The following ANKIB1 variants were observed in gnomAD, a reference collection of about 807,000 sequenced individuals.
ANKIB1 encodes the protein ankyrin repeat and IBR domain-containing protein 1.
Under a neutral mutation model 122.1 loss-of-function variants are expected in ANKIB1, and 43 were observed. The ratio of observed to expected loss-of-function variants is 0.35; its 90% CI spans 0.28 to 0.45. The LOEUF is 0.45. Among genes scored for constraint, ANKIB1 ranks in the 20% least tolerant of loss-of-function variants. ANKIB1 has a pLI of 1.00. For synonymous variants in ANKIB1, 390 were observed against 442.0 expected (o/e 0.88, Z 1.48); for missense variants, 992 against 1,329.5 (o/e 0.75, Z 3.95).
chr7:92,313,818 C>A (rs545030419), intron 3 of ANKIB1, among the ~76,000 whole-genome samples: 1 of 152,156 alleles, frequency 6.6e-6, no homozygotes, highest in East Asian at 1.9e-4. Context: ...GCAAGTTCTC[C>A]TGGTGATTAT....
chr7:92,275,457 C>A (rs1368843525), intron 1 of ANKIB1, among the ~76,000 whole-genome samples: 1 of 152,046 alleles, frequency 6.6e-6, no homozygotes, highest in Non-Finnish European at 1.5e-5. Context: ...TTGAAAATAC[C>A]TGGAAAAATT....
rs1402365620 is a variant in ANKIB1, at chr7:92,286,146, A to G, written c.-90-8743A>G. Among the ~76,000 whole-genome samples the G allele has an allele frequency of 2.0e-5, 3 of 152,206 alleles. No individual in the cohort carries two copies. The East Asian group carries it at 5.8e-4, about 29-fold the overall frequency. On this transcript the variant is annotated intron_variant, in intron 1 of 19. Transcript: ENST00000265742. Reference sequence around the variant, plus strand: ...TTCTCCTTATTTTTCTCCAAATGAGATATTTTAATGTTGGACCTGATTACC... The same window carrying G: ...TTCTCCTTATTTTTCTCCAAATGAGGTATTTTAATGTTGGACCTGATTACC...
At chr7:92,250,341 C>T (rs1051286385) in intron 1 of ANKIB1, among the ~76,000 whole-genome samples, 5 of 152,070 alleles carry the variant, frequency 3.3e-5, no homozygotes, top group South Asian at 4.1e-4. Flanking sequence ...TGCAGTGAGC[C>T]GAGATCACGC....
At chr7:92,294,821 A>G in intron 1 of ANKIB1, 68 bp from the exon 2 acceptor site, 1 of 555,750 alleles carries the variant, frequency 1.8e-6, no homozygotes, top group South Asian at 4.0e-5. Context: ...TAGTGTTCCT[A>G]ATTGTGTTAT....
intron 18 of ANKIB1, 79 bp from the exon 19 acceptor site, chr7:92,397,643 TA>T: frequency 6.5e-7 from 1 of 1,545,690 alleles, no homozygotes; most frequent in Non-Finnish European, 8.8e-7. Context: ...ATTGCCCATC[TA>T]AACAACCAGA....
rs1444245686 is a variant in ANKIB1 at position 92,339,807 on chromosome 7, G to A, written c.788-3217G>A. ...TTTTATTTTTAGTTCTTAGATTTTT[G>A]TCTTTTTTTCTTGCAGTTTATAGGT... On this transcript the variant is annotated intron_variant, in intron 5 of 19. Coordinates refer to ENST00000265742, the MANE Select transcript of ANKIB1 (RefSeq NM_019004.2). Among the ~76,000 whole-genome samples the A allele has an allele frequency of 2.0e-5, 3 of 150,922 alleles. 1 individual carries two copies. Among genetic ancestry groups the A allele is most frequent in the Admixed American group, 2.0e-4 (3 of 15,158 alleles).
intron 8 of ANKIB1, among the ~76,000 whole-genome samples, chr7:92,351,391 T>C (rs912473647): frequency 3.3e-5 from 5 of 152,186 alleles, no homozygotes; most frequent in African/African-American, 1.2e-4. Context: ...TAATAACTGA[T>C]TGATCAAGAT....
chr7:92,373,841 CTTGT>C (rs141949154), intron 11 of ANKIB1, among the ~76,000 whole-genome samples: 14,555 of 152,102 alleles, frequency 0.096, 860 homozygotes, highest in Middle Eastern at 0.21. Context: ...TAAAAATAAG[CTTGT>C]TTATTTTAAA....
At position 92,249,100 on chromosome 7, in the gene ANKIB1, C is replaced by T. The variant is rs369297041; in HGVS notation, c.-91+2581C>T. Among the ~76,000 whole-genome samples, 18 of 152,204 alleles carry T rather than the reference C, an allele frequency of 1.2e-4. No homozygotes were observed. The South Asian group carries it at 3.3e-3, about 28-fold the overall frequency. ...ACGAGGTTTTGCCACGTTGGCCAGG[C>T]TGGTCTCAAACTCCTGAACTCAGGT... On this transcript the variant is annotated intron_variant, in intron 1 of 19. Transcript: ENST00000265742.
chr7:92,295,776 G>A (rs956776957), intron 2 of ANKIB1, among the ~76,000 whole-genome samples: 4 of 152,034 alleles, frequency 2.6e-5, no homozygotes, highest in African/African-American at 7.2e-5. Flanking sequence ...CCTATTCAAC[G>A]AGGAAGCTTT....
intron 2 of ANKIB1, among the ~76,000 whole-genome samples, chr7:92,296,583 A>G (rs1052349438): frequency 2.6e-5 from 4 of 152,110 alleles, no homozygotes; most frequent in Non-Finnish European, 4.4e-5. Flanking sequence ...CTCTCTTTTT[A>G]AAAAACTTTT....
intron 1 of ANKIB1, among the ~76,000 whole-genome samples, chr7:92,249,508 CAA>C (rs1003146081): frequency 6.6e-6 from 1 of 151,996 alleles, no homozygotes; most frequent in Non-Finnish European, 1.5e-5. Flanking sequence ...ATCATGAGGT[CAA>C]GAGATCAAGA....
At chr7:92,282,759 G>A (rs912022767) in intron 1 of ANKIB1, among the ~76,000 whole-genome samples, 1 of 152,250 alleles carries the variant, frequency 6.6e-6, no homozygotes, top group South Asian at 2.1e-4. Context: ...TTGAGTAGTT[G>A]AAAAGTCAAA....
At chr7:92,357,829 T>C (rs1421216236) in intron 9 of ANKIB1, among the ~76,000 whole-genome samples, 2 of 152,166 alleles carry the variant, frequency 1.3e-5, no homozygotes, top group Non-Finnish European at 2.9e-5. Context: ...CTCTCTTCCC[T>C]ACGTTGATCA....
At chr7:92,285,276 A>G (rs970298087) in intron 1 of ANKIB1, among the ~76,000 whole-genome samples, 2 of 152,160 alleles carry the variant, frequency 1.3e-5, no homozygotes, top group African/African-American at 4.8e-5. Flanking sequence ...TGGCCTCCCA[A>G]AGTGCTAGGA....
chr7:92,301,345 G>T (rs1290593286), intron 2 of ANKIB1, among the ~76,000 whole-genome samples: 3 of 151,144 alleles, frequency 2.0e-5, no homozygotes. Context: ...CCACATTTTT[G>T]CCATCACTTA....
intron 1 of ANKIB1, 54 bp downstream of exon 1, chr7:92,246,573 T>C: frequency 4.0e-6 from 2 of 506,192 alleles, no homozygotes; most frequent in Non-Finnish European, 3.9e-6. Flanking sequence ...TACCCATTTG[T>C]GGCTCCGAGT....
chr7:92,397,675 G>C (rs1228217347), intron 18 of ANKIB1, 48 bp from the exon 19 acceptor site: 1 of 1,601,452 alleles, frequency 6.2e-7, no homozygotes, highest in Non-Finnish European at 8.5e-7. Flanking sequence ...AAATAAATAA[G>C]TCTTATTTGT....
chr7:92,371,950 G>GGGGT lies in ANKIB1; in HGVS notation c.1617+344_1617+345insGGTG, dbSNP rs1347607106. Among the ~76,000 whole-genome samples the GGGGT allele has an allele frequency of 9.3e-5, 11 of 118,152 alleles. No individual in the cohort carries two copies. In the South Asian group the frequency reaches 1.0e-3, roughly 11 times the overall value. 77.5% of individuals were successfully genotyped at this position (118,152 alleles called of 152,430 possible). On this transcript the variant is annotated intron_variant, in intron 11 of 19. Coordinates refer to ENST00000265742, the MANE Select transcript of ANKIB1 (RefSeq NM_019004.2). ...TCCCCAGTGAGAGTCTTGAGAGAGG[G>GGGGT]GTGTGTGTGTGTGTGTGTGTGTGTG...
Sources: allele counts gnomAD v4.1 joint callset (sites outside exome capture counted in the v4.1 genomes callset), GRCh38; gene constraint gnomAD v4.1.1; transcripts MANE v1.5; gene names NCBI Gene and HGNC (gene_info 2026-07-23, HGNC 2026-07-21).